Variants in KDM4C observed in about 807,000 individuals in gnomAD.
KDM4C encodes lysine-specific demethylase 4C.
In KDM4C, 81 loss-of-function variants were observed where a neutral mutation model predicts 129.3. The ratio of observed to expected loss-of-function variants is 0.63; its 90% CI spans 0.52 to 0.75. KDM4C has a LOEUF of 0.75. Ranked by LOEUF, KDM4C falls within the 30% of genes least tolerant of loss-of-function variation. KDM4C has a pLI of 0.00. For missense variants in KDM4C, 1,457 were observed against 1,304.0 expected (o/e 1.12, Z -1.81); for synonymous variants, 573 against 456.1 (o/e 1.26, Z -3.26).
intron 6 of KDM4C, 32 bp from the exon 7 acceptor site, chr9:6,887,928 C>T (rs754764912): frequency 2.5e-6 from 3 of 1,213,878 alleles, no homozygotes; most frequent in Non-Finnish European, 3.7e-6. Context: ...TTAATCGACA[C>T]AGTGCCACTT....
At chr9:7,133,317 C>G (rs1030119890) in intron 19 of KDM4C, among the ~76,000 whole-genome samples, 3 of 152,090 alleles carry the variant, frequency 2.0e-5, no homozygotes, top group South Asian at 2.1e-4. Context: ...GCCTACTTGT[C>G]AGATTAGATG....
At chr9:6,833,674 C>T (rs1205613063) in intron 4 of KDM4C, among the ~76,000 whole-genome samples, 9 of 152,158 alleles carry the variant, frequency 5.9e-5, no homozygotes, top group African/African-American at 1.4e-4. Context: ...TAAAACACCT[C>T]GTACAGGGCC....
intron 15 of KDM4C, among the ~76,000 whole-genome samples, chr9:7,016,425 C>CTTTTTT (rs759501262): frequency 4.9e-5 from 5 of 102,706 alleles, no homozygotes; most frequent in Admixed American, 1.2e-4. Context: ...CTGTTCCTGG[C>CTTTTTT]TTTTTTTTTT....
rs114392219 is a variant in KDM4C, at chr9:6,846,641, A to G, written c.436-2866A>G. Reference sequence around the variant, plus strand: ...TAGCAAAATAAATTACTTTTTAGCAACCTTGCCTTGCTGAGAAGAAACTGC... The same window carrying G: ...TAGCAAAATAAATTACTTTTTAGCAGCCTTGCCTTGCTGAGAAGAAACTGC... On this transcript the variant is annotated intron_variant, in intron 4 of 21. Transcript: ENST00000381309. Among the ~76,000 whole-genome samples, 487 of 152,278 alleles carry G rather than the reference A, an allele frequency of 3.2e-3. 1 individual carries two copies. Among genetic ancestry groups the G allele is most frequent in the African/African-American group, 0.011 (467 of 41,542 alleles).
intron 12 of KDM4C, among the ~76,000 whole-genome samples, chr9:7,009,981 C>G (rs1417390156): frequency 1.3e-5 from 2 of 152,014 alleles, no homozygotes; most frequent in Non-Finnish European, 2.9e-5. Context: ...TATGCAGATA[C>G]AAGACTTTTA....
At chr9:6,839,396 GTTTTTTTTT>G (rs36061484) in intron 4 of KDM4C, among the ~76,000 whole-genome samples, 8 of 109,926 alleles carry the variant, frequency 7.3e-5, no homozygotes, top group Non-Finnish European at 1.4e-4. Flanking sequence ...CACCTGGCCA[GTTTTTTTTT>G]TTTTTTTTTT....
chr9:6,873,839 C>G (rs551702941), intron 5 of KDM4C, among the ~76,000 whole-genome samples: 20 of 152,056 alleles, frequency 1.3e-4, no homozygotes, highest in South Asian at 2.1e-4. Context: ...TAAGCTAAAT[C>G]ATTTCTAGCT....
intron 1 of KDM4C, among the ~76,000 whole-genome samples, chr9:6,736,077 G>T: frequency 6.6e-6 from 1 of 152,134 alleles, no homozygotes; most frequent in East Asian, 1.9e-4. Context: ...CTAGAGATTT[G>T]TGGAACTTTG....
chr9:6,803,104 G>C (rs762536415), intron 2 of KDM4C, among the ~76,000 whole-genome samples: 1 of 152,132 alleles, frequency 6.6e-6, no homozygotes, highest in Non-Finnish European at 1.5e-5. Flanking sequence ...TGGGCAATAG[G>C]GAAGATGAGG....
At chr9:7,110,742 G>A (rs1838231615) in intron 18 of KDM4C, among the ~76,000 whole-genome samples, 1 of 152,206 alleles carries the variant, frequency 6.6e-6, no homozygotes, top group African/African-American at 2.4e-5. Context: ...AAGAAGGGAT[G>A]AAAGTGGGGT....
intron 18 of KDM4C, among the ~76,000 whole-genome samples, chr9:7,119,919 G>C (rs545099146): frequency 6.6e-6 from 1 of 152,238 alleles, no homozygotes; most frequent in Admixed American, 6.5e-5. Context: ...AGCCATGTCT[G>C]TCTCTCTTAC....
chr9:7,088,616 G>C (rs1390078234), intron 17 of KDM4C, among the ~76,000 whole-genome samples: 1 of 152,128 alleles, frequency 6.6e-6, no homozygotes. Flanking sequence ...TCGTCTGAAA[G>C]GTTTGTCTTA....
chr9:6,912,909 C>G (rs998619561), intron 8 of KDM4C, among the ~76,000 whole-genome samples: 3 of 151,950 alleles, frequency 2.0e-5, no homozygotes, highest in East Asian at 1.9e-4. Context: ...GTTGATATTT[C>G]AAGAATTGTG....
chr9:6,763,601 G>A (rs117818331), intron 1 of KDM4C, among the ~76,000 whole-genome samples: 1 of 152,256 alleles, frequency 6.6e-6, no homozygotes, highest in East Asian at 1.9e-4. Flanking sequence ...TTGTGTTTAT[G>A]TGCATTTTCT....
intron 15 of KDM4C, among the ~76,000 whole-genome samples, chr9:7,044,935 A>C (rs1321703366): frequency 6.6e-6 from 1 of 152,024 alleles, no homozygotes; most frequent in East Asian, 1.9e-4. Context: ...TGGAAACCAC[A>C]GGGAGAAAAT....
At chr9:7,021,934 T>G (rs1824934315) in intron 15 of KDM4C, among the ~76,000 whole-genome samples, 1 of 152,214 alleles carries the variant, frequency 6.6e-6, no homozygotes, top group Admixed American at 6.5e-5. Context: ...ATGTATATTC[T>G]TGTCATCTTT....
intron 18 of KDM4C, among the ~76,000 whole-genome samples, chr9:7,113,756 T>C (rs1203466911): frequency 6.6e-6 from 1 of 152,234 alleles, no homozygotes; most frequent in Non-Finnish European, 1.5e-5. Flanking sequence ...TCCTATTATG[T>C]TGATCAATCT....
chr9:7,076,188 A>G (rs1485120804), intron 17 of KDM4C, among the ~76,000 whole-genome samples: 1 of 152,228 alleles, frequency 6.6e-6, no homozygotes, highest in African/African-American at 2.4e-5. Context: ...AACAGAAGAA[A>G]AAAAAACCCA....
intron 1 of KDM4C, among the ~76,000 whole-genome samples, chr9:6,751,184 G>C (rs1026496321): frequency 6.6e-6 from 1 of 152,106 alleles, no homozygotes; most frequent in East Asian, 1.9e-4. Context: ...GGTGTCTCAC[G>C]CCTGTAATCC....
Sources: gnomAD v4.1 joint callset for allele counts (sites outside exome capture counted in the v4.1 genomes callset) on GRCh38, gnomAD v4.1.1 for gene constraint, MANE v1.5 for transcripts, NCBI Gene and HGNC (gene_info 2026-07-23, HGNC 2026-07-21) for gene names.